Variants in ROBO2 observed in about 807,000 individuals in gnomAD.
ROBO2 encodes roundabout homolog 2.
Under a neutral mutation model 160.8 loss-of-function variants are expected in ROBO2, and 53 were observed. The ratio of observed to expected loss-of-function variants is 0.33; its 90% CI spans 0.26 to 0.41. ROBO2 has a LOEUF of 0.41. Among genes scored for constraint, ROBO2 ranks in the 10% least tolerant of loss-of-function variants. ROBO2 has a pLI of 1.00. For missense variants in ROBO2, 1,577 were observed against 1,722.4 expected, an observed-to-expected ratio of 0.92 and a Z score of 1.49; for synonymous variants, 664 against 611.7, an observed-to-expected ratio of 1.09 and a Z score of -1.26.
intron 2 of ROBO2, among the ~76,000 whole-genome samples, chr3:76,296,054 T>C (rs578193700): frequency 2.6e-5 from 4 of 152,176 alleles, no homozygotes; most frequent in South Asian, 2.1e-4. Flanking sequence ...ACTACCTTAT[T>C]TGGAAGAAGG....
At chr3:76,292,907 G>A (rs1043627729) in intron 2 of ROBO2, among the ~76,000 whole-genome samples, 1 of 150,924 alleles carries the variant, frequency 6.6e-6, no homozygotes, top group African/African-American at 2.4e-5. Context: ...TGACCATGCC[G>A]ATTGTAATTA....
At chr3:76,804,923 G>A (rs1443630942) in intron 2 of ROBO2, among the ~76,000 whole-genome samples, 1 of 152,002 alleles carries the variant, frequency 6.6e-6, no homozygotes, top group African/African-American at 2.4e-5. Flanking sequence ...GGTAGTATAA[G>A]GAAAAATTTT....
intron 2 of ROBO2, among the ~76,000 whole-genome samples, chr3:76,476,957 C>T (rs887107533): frequency 6.6e-6 from 1 of 152,042 alleles, no homozygotes; most frequent in African/African-American, 2.4e-5. Context: ...CAGATGATAC[C>T]ATCAAAAGAA....
chr3:76,430,548 T>C (rs942832251), intron 2 of ROBO2, among the ~76,000 whole-genome samples: 7 of 152,166 alleles, frequency 4.6e-5, no homozygotes, highest in African/African-American at 1.4e-4. Context: ...TCCATATCAA[T>C]AGGTGCTAAA....
intron 6 of ROBO2, among the ~76,000 whole-genome samples, chr3:77,539,907 T>C (rs2092376264): frequency 6.6e-6 from 1 of 152,172 alleles, no homozygotes; most frequent in South Asian, 2.1e-4. Flanking sequence ...ATAATTGATA[T>C]CGGGGTGGGT....
chr3:76,203,439 T>C (rs2107267942), intron 2 of ROBO2, among the ~76,000 whole-genome samples: 1 of 135,748 alleles, frequency 7.4e-6, no homozygotes, highest in East Asian at 2.2e-4. Flanking sequence ...TTTCTTCTCC[T>C]TTCTCACCAT....
chr3:76,003,930 A>G (rs2065954172), intron 2 of ROBO2, among the ~76,000 whole-genome samples: 1 of 152,218 alleles, frequency 6.6e-6, no homozygotes, highest in Non-Finnish European at 1.5e-5. Flanking sequence ...ATTACAGAAG[A>G]CAGAGTACTG....
At chr3:76,918,928 G>A (rs1004117552) in intron 2 of ROBO2, among the ~76,000 whole-genome samples, 1 of 151,338 alleles carries the variant, frequency 6.6e-6, no homozygotes, top group African/African-American at 2.4e-5. Flanking sequence ...GTGATGTTGA[G>A]CTTTTTTTCA....
chr3:76,003,382 GT>G (rs897477886), intron 2 of ROBO2, among the ~76,000 whole-genome samples: 1 of 152,082 alleles, frequency 6.6e-6, no homozygotes, highest in South Asian at 2.1e-4. Flanking sequence ...GGGCCCCAAT[GT>G]TTTTTAAACA....
intron 2 of ROBO2, among the ~76,000 whole-genome samples, chr3:77,396,085 G>A (rs1290483145): frequency 6.6e-6 from 1 of 150,562 alleles, no homozygotes; most frequent in Non-Finnish European, 1.5e-5. Context: ...AAAAAGAAAA[G>A]CACTAGCCAT....
intron 2 of ROBO2, among the ~76,000 whole-genome samples, chr3:76,646,885 G>A (rs974539753): frequency 6.6e-5 from 10 of 152,156 alleles, no homozygotes; most frequent in Non-Finnish European, 2.9e-5. Context: ...GATAGTAAGA[G>A]TACCACAGTT....
intron 2 of ROBO2, among the ~76,000 whole-genome samples, chr3:76,200,660 A>G (rs182477878): frequency 6.6e-6 from 1 of 152,242 alleles, no homozygotes; most frequent in Non-Finnish European, 1.5e-5. Context: ...CAGACCATGC[A>G]GAAACATACC....
intron 2 of ROBO2, among the ~76,000 whole-genome samples, chr3:76,335,885 A>C (rs530078353): frequency 6.6e-6 from 1 of 152,242 alleles, no homozygotes; most frequent in Non-Finnish European, 1.5e-5. Context: ...CTAAAGCCAT[A>C]ACTTTTAATG....
intron 1 of ROBO2, among the ~76,000 whole-genome samples, chr3:77,077,042 CAAT>C (rs571933569): frequency 4.9e-4 from 75 of 152,278 alleles, no homozygotes; most frequent in African/African-American, 1.8e-3. Flanking sequence ...CAAAAAAACA[CAAT>C]GATGACATAC....
intron 2 of ROBO2, among the ~76,000 whole-genome samples, chr3:76,277,361 G>C (rs1707987222): frequency 6.6e-6 from 1 of 151,944 alleles, no homozygotes; most frequent in Non-Finnish European, 1.5e-5. Context: ...TGATTACAAG[G>C]TTACAGTATA....
chr3:77,474,807 G>A (rs138336192), intron 2 of ROBO2, among the ~76,000 whole-genome samples: 49 of 151,878 alleles, frequency 3.2e-4, no homozygotes, highest in South Asian at 8.3e-4. Flanking sequence ...TGTTTTTATC[G>A]GCTACGATAA....
chr3:76,159,365 CT>C (rs2072531627), intron 2 of ROBO2, among the ~76,000 whole-genome samples: 1 of 152,080 alleles, frequency 6.6e-6, no homozygotes, highest in Admixed American at 6.6e-5. Context: ...ATTCTTTTTT[CT>C]AAAGCCAGTA....
chr3:76,050,384 C>T (rs1404387905), intron 2 of ROBO2, among the ~76,000 whole-genome samples: 1 of 152,164 alleles, frequency 6.6e-6, no homozygotes, highest in Non-Finnish European at 1.5e-5. Flanking sequence ...GAAGGGGACA[C>T]TGCTGGCTTC....
chr3:76,692,429 G>A (rs2092822612), intron 2 of ROBO2, among the ~76,000 whole-genome samples: 1 of 152,086 alleles, frequency 6.6e-6, no homozygotes, highest in African/African-American at 2.4e-5. Context: ...GACTCCCAAG[G>A]CTTAGTCTGT....
Sources: gnomAD v4.1 joint callset for allele counts (sites outside exome capture counted in the v4.1 genomes callset) on GRCh38, gnomAD v4.1.1 for gene constraint, MANE v1.5 for transcripts, NCBI Gene and HGNC (gene_info 2026-07-23, HGNC 2026-07-21) for gene names.